AK8: variants seen among roughly 807,000 people sequenced by gnomAD.
The protein encoded by AK8 is adenylate kinase 8.
AK8 carries 44 observed loss-of-function variants against 54.6 expected under a neutral mutation model. The observed-to-expected ratio is 0.81, with a 90% CI of 0.63 to 1.04. The LOEUF (loss-of-function observed/expected upper bound fraction) is 1.04. Among genes scored for constraint, AK8 ranks in the 50% least tolerant of loss-of-function variants. The probability of loss-of-function intolerance (pLI) is 0.00; values close to 1 mark genes in which losing one functional copy is unlikely to be tolerated. For synonymous variants in AK8, 239 were observed against 245.6 expected, an observed-to-expected ratio of 0.97 and a Z score of 0.25; for missense variants, 555 against 613.6, an observed-to-expected ratio of 0.90 and a Z score of 1.01.
chr9:132,854,984 A>G, intron 4 of AK8, 59 bp from the exon 5 acceptor site: 1 of 1,566,408 alleles, frequency 6.4e-7, no homozygotes, highest in East Asian at 2.3e-5. Context: ...AGCTCAGGAC[A>G]CAGACCAGCA....
intron 3 of AK8, among the ~76,000 whole-genome samples, chr9:132,866,333 G>A (rs1843596791): frequency 1.3e-5 from 2 of 152,190 alleles, no homozygotes; most frequent in African/African-American, 4.8e-5. Flanking sequence ...TGTGGGCGAG[G>A]TGGGCCCAGG....
chr9:132,740,361 A>G (rs1837314102), intron 11 of AK8, among the ~76,000 whole-genome samples: 1 of 152,210 alleles, frequency 6.6e-6, no homozygotes, highest in Non-Finnish European at 1.5e-5. Context: ...ATGCCTGCAC[A>G]AGGTTATTTG....
intron 10 of AK8, among the ~76,000 whole-genome samples, chr9:132,805,545 T>C (rs1336722509): frequency 1.3e-5 from 2 of 152,318 alleles, no homozygotes; most frequent in East Asian, 3.9e-4. Flanking sequence ...TTTTGATCTT[T>C]TGGTGACGGG....
At chr9:132,863,000 GT>G (rs1387590855) in intron 4 of AK8, among the ~76,000 whole-genome samples, 2 of 152,222 alleles carry the variant, frequency 1.3e-5, no homozygotes, top group African/African-American at 4.8e-5. Flanking sequence ...AATATTTTGA[GT>G]TTCTATTTGT....
intron 5 of AK8, among the ~76,000 whole-genome samples, chr9:132,854,062 G>A (rs1209734283): frequency 2.0e-5 from 3 of 151,954 alleles, no homozygotes; most frequent in Non-Finnish European, 2.9e-5. Flanking sequence ...TTAGCTGGGT[G>A]TGGTGATGCA....
At chr9:132,805,827 T>A (rs1050841509) in intron 10 of AK8, among the ~76,000 whole-genome samples, 2 of 152,034 alleles carry the variant, frequency 1.3e-5, no homozygotes, top group African/African-American at 4.8e-5. Flanking sequence ...CTAGTTTCCA[T>A]GAGGAAATCT....
At chr9:132,727,605 G>A in intron 11 of AK8, 71 bp from the exon 12 acceptor site, 1 of 1,436,390 alleles carries the variant, frequency 7.0e-7, no homozygotes, top group Non-Finnish European at 9.7e-7. Flanking sequence ...ACATCCTGGG[G>A]TCTTGAGAAT....
At chr9:132,763,189 G>T (rs1463562702) in intron 11 of AK8, among the ~76,000 whole-genome samples, 4 of 152,214 alleles carry the variant, frequency 2.6e-5, no homozygotes, top group African/African-American at 9.6e-5. Context: ...AGCTACCGCT[G>T]GAGTGTGCCT....
chr9:132,734,463 A>G (rs1564371887), intron 11 of AK8, among the ~76,000 whole-genome samples: 1 of 152,146 alleles, frequency 6.6e-6, no homozygotes, highest in African/African-American at 2.4e-5. Context: ...CTCACTGGGT[A>G]TGGTACTCAC....
At chr9:132,733,226 A>G (rs563977041) in intron 11 of AK8, among the ~76,000 whole-genome samples, 2 of 152,260 alleles carry the variant, frequency 1.3e-5, no homozygotes, top group Non-Finnish European at 2.9e-5. Flanking sequence ...GCCACTAAAA[A>G]AAAAAAACAT....
intron 9 of AK8, among the ~76,000 whole-genome samples, chr9:132,820,606 G>A (rs1413649321): frequency 1.3e-5 from 2 of 152,180 alleles, no homozygotes; most frequent in African/African-American, 4.8e-5. Flanking sequence ...AGGGTCACAG[G>A]GTTTGCGCAG....
chr9:132,787,013 A>G (rs1564400916), intron 11 of AK8, among the ~76,000 whole-genome samples: 1 of 152,252 alleles, frequency 6.6e-6, no homozygotes, highest in East Asian at 1.9e-4. Flanking sequence ...TTAGAATTCA[A>G]TAAAAATGTT....
chr9:132,768,117 A>T (rs914283749), intron 11 of AK8, among the ~76,000 whole-genome samples: 10 of 152,234 alleles, frequency 6.6e-5, no homozygotes, highest in Admixed American at 3.3e-4. Flanking sequence ...TTCCCAAAAT[A>T]AAGAAATGAT....
intron 6 of AK8, 66 bp downstream of exon 6, chr9:132,828,572 TGAGCGGG>T (rs1339100355): frequency 1.6e-5 from 22 of 1,367,028 alleles, no homozygotes; most frequent in Non-Finnish European, 1.7e-5. Flanking sequence ...GCAGGCAGCA[TGAGCGGG>T]GCGCTCACTG....
At chr9:132,814,334 C>T (rs1002103815) in intron 10 of AK8, among the ~76,000 whole-genome samples, 1 of 147,996 alleles carries the variant, frequency 6.8e-6, no homozygotes, top group Non-Finnish European at 1.5e-5. Flanking sequence ...TGTGGCCTCT[C>T]CTGGCTCTCA....
At chr9:132,823,972 A>T (rs1400879988) in intron 8 of AK8, among the ~76,000 whole-genome samples, 7 of 152,224 alleles carry the variant, frequency 4.6e-5, no homozygotes. Context: ...AGGAGTGGCC[A>T]GATGTAGCTG....
At position 132,846,504 on chromosome 9, in the gene AK8, GATGAATGAATGAATGAATGA is replaced by G. The variant is rs56358230; in HGVS notation, c.402+8333_402+8352del. Among the ~76,000 whole-genome samples, 755 of 150,990 alleles carry G rather than the reference GATGAATGAATGAATGAATGA, an allele frequency of 5.0e-3. 4 individuals carry two copies. Among genetic ancestry groups the G allele is most frequent in the Non-Finnish European group, 8.1e-3 (548 of 67,794 alleles). On this transcript the variant is annotated intron_variant, in intron 5 of 12. Transcript: ENST00000298545. ...AAGTGATTTGTTGCATGAGAGAATAGATGAATGAATGAATGAATGAATGAATGAATGAATGAATGAATGAA... is the reference window on the plus strand; with the variant it reads ...AAGTGATTTGTTGCATGAGAGAATAGATGAATGAATGAATGAATGAATGAA...
intron 4 of AK8, 26 bp downstream of exon 4, chr9:132,863,639 A>G: frequency 4.5e-6 from 7 of 1,544,014 alleles, no homozygotes; most frequent in Non-Finnish European, 6.3e-6. Context: ...CTGTGTGCCT[A>G]CCCCTGTCCC....
chr9:132,851,648 G>A (rs1470565522), intron 5 of AK8, among the ~76,000 whole-genome samples: 2 of 152,210 alleles, frequency 1.3e-5, no homozygotes, highest in Non-Finnish European at 2.9e-5. Flanking sequence ...AGGTGCCCCT[G>A]GGTGATGTGC....
Sources: gnomAD v4.1 joint callset for allele counts (sites outside exome capture counted in the v4.1 genomes callset) on GRCh38, gnomAD v4.1.1 for gene constraint, MANE v1.5 for transcripts, NCBI Gene and HGNC (gene_info 2026-07-23, HGNC 2026-07-21) for gene names.